Variants in C7 observed in about 807,000 individuals in gnomAD.
C7 encodes the protein complement component C7.
A neutral mutation model predicts 104.8 loss-of-function variants in C7; 83 were observed. The ratio of observed to expected loss-of-function variants is 0.79; its 90% CI spans 0.66 to 0.95. The LOEUF (loss-of-function observed/expected upper bound fraction) is 0.95, where lower values mean the gene tolerates loss of function less well. Ranked by LOEUF, C7 falls within the 40% of genes least tolerant of loss-of-function variation. The probability of loss-of-function intolerance (pLI) is 0.00; values close to 1 mark genes in which losing one functional copy is unlikely to be tolerated. For synonymous variants in C7, 415 were observed against 360.6 expected (o/e 1.15, Z -1.71); for missense variants, 1,070 against 1,011.2 (o/e 1.06, Z -0.79).
chr5:40,931,253 C>T (rs998360241), intron 3 of C7, 114 bp downstream of exon 3: 5 of 746,850 alleles, frequency 6.7e-6, no homozygotes, highest in Admixed American at 2.3e-5. Flanking sequence ...TTTTTGAAAA[C>T]TATGTTTGTA....
intron 16 of C7, among the ~76,000 whole-genome samples, chr5:40,977,862 G>A (rs945944016): frequency 6.6e-6 from 1 of 152,072 alleles, no homozygotes; most frequent in Non-Finnish European, 1.5e-5. Context: ...GACCTGGTGC[G>A]GTGGCTCACG....
intron 14 of C7, among the ~76,000 whole-genome samples, chr5:40,969,901 G>T (rs536683597): frequency 6.6e-6 from 1 of 151,730 alleles, no homozygotes; most frequent in African/African-American, 2.4e-5. Context: ...TTAGTGCTCT[G>T]ATTCTTTCAG....
intron 15 of C7, 74 bp from the exon 16 acceptor site, chr5:40,976,676 C>A: frequency 1.0e-6 from 1 of 988,920 alleles, no homozygotes; most frequent in Non-Finnish European, 1.5e-6. Context: ...CCTGGTCCAG[C>A]AATTCATATA....
Position 40,981,734 on chromosome 5 carries a change from C to T in C7, c.*161C>T. On this transcript the variant is annotated 3_prime_UTR_variant, in exon 18 of 18. Coordinates refer to ENST00000313164, the MANE Select transcript of C7 (RefSeq NM_000587.4). ...CTGTATAAACACAATCCTTTGTTCT[C>T]CCAAATCTGAATCGAATTACTCTTT... 1 of 559,554 alleles carries T rather than the reference C, an allele frequency of 1.8e-6. No individual in the cohort carries two copies. Among genetic ancestry groups the T allele is most frequent in the Non-Finnish European group, 3.1e-6 (1 of 327,822 alleles). 34.7% of individuals were successfully genotyped at this position (559,554 alleles called of 1,614,324 possible). A position where few individuals can be genotyped will look rare whatever the true frequency, so the allele number is the denominator to read the frequency against.
intron 1 of C7, among the ~76,000 whole-genome samples, chr5:40,926,789 G>A (rs1040538788): frequency 6.6e-6 from 1 of 152,044 alleles, no homozygotes; most frequent in African/African-American, 2.4e-5. Flanking sequence ...CTTGTTCATG[G>A]ATTAGAAGAA....
At chr5:40,945,905 T>C (rs993435377) in intron 7 of C7, among the ~76,000 whole-genome samples, 6 of 143,942 alleles carry the variant, frequency 4.2e-5, no homozygotes, top group Middle Eastern at 3.7e-3. Context: ...TATATATATA[T>C]ATATGTATAT....
intron 14 of C7, chr5:40,971,912 A>G (rs1268576670): frequency 1.6e-5 from 6 of 370,638 alleles, no homozygotes; most frequent in African/African-American, 1.3e-4. Flanking sequence ...AGACCTATGA[A>G]TAATCACTGC....
chr5:40,926,065 C>G (rs556466084), intron 1 of C7, among the ~76,000 whole-genome samples: 4 of 152,126 alleles, frequency 2.6e-5, no homozygotes, highest in African/African-American at 9.7e-5. Context: ...TCATCTACCA[C>G]GATCAAATGG....
rs1741002015 is a variant in C7, at chr5:40,983,667, AGG to A, written c.*2095_*2096del. ...TTAGGATTGTCGCAGCAGGTCAGCA[AGG>A]AGAAAGTCATTTTTAAGATTAAATT... is the stretch of plus-strand genomic sequence containing the variant. On this transcript the variant is annotated 3_prime_UTR_variant, in exon 18 of 18. Coordinates refer to ENST00000313164, the MANE Select transcript of C7 (RefSeq NM_000587.4). Among the ~76,000 whole-genome samples the A allele has an allele frequency of 2.0e-5, 3 of 152,206 alleles. No individual in the cohort carries two copies. The highest frequency in any genetic ancestry group is 7.2e-5 in the African/African-American group (3 of 41,458).
intron 9 of C7, chr5:40,954,978 C>T: frequency 8.8e-6 from 2 of 226,160 alleles, no homozygotes; most frequent in South Asian, 6.0e-5. Context: ...CAATTGAGTG[C>T]AAAATACAGA....
intron 1 of C7, among the ~76,000 whole-genome samples, chr5:40,912,187 C>G (rs1739223575): frequency 6.6e-6 from 1 of 151,848 alleles, no homozygotes; most frequent in Admixed American, 6.6e-5. Context: ...GGTAATTATC[C>G]TAAGGCTAGC....
intron 17 of C7, 61 bp from the exon 18 acceptor site, chr5:40,981,331 T>A (rs1740937127): frequency 6.8e-7 from 1 of 1,466,780 alleles, no homozygotes. Context: ...TTGGAGGTGA[T>A]GTTCTTTGAC....
Position 40,959,485 on chromosome 5 carries a change from G to A in C7, c.1526G>A (p.Trp509Ter). 1.2e-6 allele frequency: 2 copies of A among 1,611,276 alleles called. 1 individual carries two copies. Among genetic ancestry groups the A allele is most frequent in the African/African-American group, 2.7e-5 (2 of 74,856 alleles). The change falls in exon 12 of 18, where the codon TGG becomes TAG. Residue 509 changes from tryptophan (W) to a stop codon, truncating the protein, a stop_gained. Coordinates refer to ENST00000313164, the MANE Select transcript of C7 (RefSeq NM_000587.4). LOFTEE classifies it high-confidence loss of function. ...GGAGGTTGGAGTTGCTGGTCCTCTT[G>A]GAGCCCCTGTGTCCAAGGGAAGAAA... ...VDGGWSCWSS[W>*]SPCVQGKKTR...
Position 40,981,641 on chromosome 5 carries a change from C to T in C7, c.*68C>T. On this transcript the variant is annotated 3_prime_UTR_variant, in exon 18 of 18. Coordinates refer to ENST00000313164, the MANE Select transcript of C7 (RefSeq NM_000587.4). ...AGCTGGGGCTGAGTGAAAACATCTG[C>T]ACAACTGGGCACTGGACAGCTTTTC... is the stretch of plus-strand genomic sequence containing the variant. 1 of 1,311,786 alleles carries T rather than the reference C, an allele frequency of 7.6e-7. No homozygotes were observed. Among genetic ancestry groups the T allele is most frequent in the Non-Finnish European group, 1.0e-6 (1 of 956,568 alleles). 81.3% of individuals were successfully genotyped at this position (1,311,786 alleles called of 1,614,324 possible). A position where few individuals can be genotyped will look rare whatever the true frequency, so the allele number is the denominator to read the frequency against.
chr5:40,975,276 G>A (rs531672664), intron 15 of C7, among the ~76,000 whole-genome samples: 15 of 151,224 alleles, frequency 9.9e-5, no homozygotes, highest in Admixed American at 7.9e-4. Flanking sequence ...AATACCTCAT[G>A]TTTTACCACT....
Position 40,927,818 on chromosome 5 carries a change from AG to A in C7, c.7-759del, listed in dbSNP as rs377013212. 1.2e-4 allele frequency among the ~76,000 whole-genome samples: 19 copies of A among 152,288 alleles called. No individual in the cohort carries two copies. The East Asian group carries it at 3.3e-3, about 26-fold the overall frequency. On this transcript the variant is annotated intron_variant, in intron 1 of 17. Transcript: ENST00000313164. ...AAGCATTGGTATGGATGTGGAAAAA[AG>A]GGAATCCCTGTACACTTGTACACTT...
chr5:40,931,784 G>A (rs1028103393), intron 3 of C7, among the ~76,000 whole-genome samples: 2 of 152,100 alleles, frequency 1.3e-5, no homozygotes, highest in African/African-American at 4.8e-5. Context: ...TTTTGAGTCG[G>A]AGTCTCCCTC....
In C7 at chr5:40,982,728, T is replaced by C. The variant is rs1740977439; in HGVS notation, c.*1155T>C. ...TTCAGGGAGTACACAGGTAGATTAG[T>C]TTGAAGCATTGACCTTTTATTTATT... On this transcript the variant is annotated 3_prime_UTR_variant, in exon 18 of 18. Coordinates refer to ENST00000313164, the MANE Select transcript of C7 (RefSeq NM_000587.4). 1 of 152,334 alleles carries C rather than the reference T, an allele frequency of 6.6e-6. No individual in the cohort carries two copies. Among genetic ancestry groups the C allele is most frequent in the African/African-American group, 2.4e-5 (1 of 41,460 alleles). 9.4% of individuals were successfully genotyped at this position (152,334 alleles called of 1,614,324 possible). A position where few individuals can be genotyped will look rare whatever the true frequency, so the allele number is the denominator to read the frequency against.
chr5:40,931,710 G>A (rs1739687746), intron 3 of C7, among the ~76,000 whole-genome samples: 1 of 152,192 alleles, frequency 6.6e-6, no homozygotes, highest in South Asian at 2.1e-4. Flanking sequence ...GTTCACTGGA[G>A]AGAATACAGA....
Sources: gnomAD v4.1 joint callset for allele counts (sites outside exome capture counted in the v4.1 genomes callset) on GRCh38, gnomAD v4.1.1 for gene constraint, MANE v1.5 for transcripts, NCBI Gene and HGNC (gene_info 2026-07-23, HGNC 2026-07-21) for gene names.